CNTRL: variants seen among roughly 807,000 people sequenced by gnomAD.
CNTRL encodes the protein 110 kDa centrosomal protein.
In CNTRL, 233 loss-of-function variants were observed where a neutral mutation model predicts 303.7. The observed-to-expected ratio is 0.77, with a 90% CI of 0.69 to 0.86. CNTRL has a LOEUF of 0.86. Among genes scored for constraint, CNTRL ranks in the 40% least tolerant of loss-of-function variants. The probability of loss-of-function intolerance (pLI) is 0.00; values close to 1 mark genes in which losing one functional copy is unlikely to be tolerated. For missense variants in CNTRL, 2,524 were observed against 2,650.6 expected (o/e 0.95, Z 1.05); for synonymous variants, 900 against 922.2 (o/e 0.98, Z 0.44).
At position 121,159,005 on chromosome 9, in the gene CNTRL, T is replaced by C. The variant is rs528966174; in HGVS notation, c.4915T>C (p.Cys1639Arg). The change falls in exon 31 of 44, where the codon TGC becomes CGC. Residue 1639 changes from cysteine (C) to arginine (R), a missense_variant. Cys to Arg is a radical substitution (Grantham distance 180, BLOSUM62 -3). Coordinates refer to ENST00000373855, the MANE Select transcript of CNTRL (RefSeq NM_007018.6). ...GGGAGAGACTGAAGTAACTGAGAAG[T>C]GCAATCACATTAGGGTGTGTTTTTT... ...RLGETEVTEK[C>R]NHIREVKSLL... 4.3e-6 allele frequency: 7 copies of C among 1,614,080 alleles called. No individual in the cohort carries two copies. The African/African-American group carries it at 5.3e-5, about 12-fold the overall frequency.
chr9:121,104,782 A>G (rs1017226100), intron 7 of CNTRL, among the ~76,000 whole-genome samples: 2 of 146,172 alleles, frequency 1.4e-5, no homozygotes, highest in African/African-American at 5.0e-5. Flanking sequence ...GCTCACTGCA[A>G]TCTCCGCCTC....
chr9:121,118,993 C>A (rs376795680), intron 12 of CNTRL, among the ~76,000 whole-genome samples: 1 of 151,802 alleles, frequency 6.6e-6, no homozygotes, highest in Non-Finnish European at 1.5e-5. Context: ...GGATGAATCC[C>A]CCATGGATAC....
At position 121,152,739 on chromosome 9, in the gene CNTRL, C is replaced by T. The variant is rs776219768; in HGVS notation, c.4172+46C>T. 6 of 1,375,458 alleles carry T rather than the reference C, an allele frequency of 4.4e-6. No individual in the cohort carries two copies. In the Admixed American group the frequency reaches 1.1e-4, roughly 26 times the overall value. 85.2% of individuals were successfully genotyped at this position (1,375,458 alleles called of 1,614,324 possible). A position where few individuals can be genotyped will look rare whatever the true frequency, so the allele number is the denominator to read the frequency against. On this transcript the variant is annotated intron_variant, in intron 26 of 43. Transcript: ENST00000373855. Reference sequence around the variant, plus strand: ...AATTCAGACAAATACGATATTAGTTCATTAATGCTGTCGAACAGAACTTTC... The same window carrying T: ...AATTCAGACAAATACGATATTAGTTTATTAATGCTGTCGAACAGAACTTTC...
rs2048717531 is a variant in CNTRL at position 121,092,811 on chromosome 9, A to AT, written c.349-2076dup. ...ATATGTAATATATATATCTATATATATATATATTTTTTTTTTTTTGGAGTC... is the reference window on the plus strand; with the variant it reads ...ATATGTAATATATATATCTATATATATTATATATTTTTTTTTTTTTGGAGTC... On this transcript the variant is annotated intron_variant, in intron 4 of 43. Coordinates refer to ENST00000373855, the MANE Select transcript of CNTRL (RefSeq NM_007018.6). Among the ~76,000 whole-genome samples the AT allele has an allele frequency of 5.7e-5, 2 of 34,928 alleles. 1 individual carries two copies. Among genetic ancestry groups the AT allele is most frequent in the African/African-American group, 2.5e-4 (2 of 7,854 alleles). 22.9% of individuals were successfully genotyped at this position (34,928 alleles called of 152,430 possible). A position where few individuals can be genotyped will look rare whatever the true frequency, so the allele number is the denominator to read the frequency against.
chr9:121,135,798 C>G lies in CNTRL; in HGVS notation c.2026-8C>G. 6.3e-7 allele frequency: 1 copy of G among 1,599,774 alleles called. No individual in the cohort carries two copies. The highest frequency in any genetic ancestry group is 1.1e-5 in the South Asian group (1 of 89,350). ...GGTTCCATAGTTAAACCCACTGAAT[C>G]TTTCTAGGAGCTTGCAGAGCTAGAA... is the stretch of plus-strand genomic sequence containing the variant. On this transcript the variant is annotated splice_polypyrimidine_tract_variant and splice_region_variant and intron_variant, in intron 14 of 43. Transcript: ENST00000373855.
Position 121,171,462 on chromosome 9 carries a change from G to T in CNTRL, c.6331G>T (p.Val2111Leu). ...IQKEMATIEL[V>L]AQDNHERARR... ...AAAGGAAATGGCAACAATTGAACTGGTAGCCCAGGACAACCATGAGCGGGC... is the reference window on the plus strand; with the variant it reads ...AAAGGAAATGGCAACAATTGAACTGTTAGCCCAGGACAACCATGAGCGGGC... The change falls in exon 40 of 44, where the codon GTA becomes TTA. Residue 2111 changes from valine to leucine, a missense_variant. By Grantham distance (32) the Val-to-Leu change is conservative. Transcript: ENST00000373855. 1.2e-6 allele frequency: 2 copies of T among 1,614,112 alleles called. No individual in the cohort carries two copies. Among genetic ancestry groups the T allele is most frequent in the South Asian group, 1.1e-5 (1 of 91,084 alleles).
chr9:121,151,245 C>A (rs2052225131), intron 25 of CNTRL, among the ~76,000 whole-genome samples: 1 of 151,862 alleles, frequency 6.6e-6, no homozygotes, highest in Non-Finnish European at 1.5e-5. Flanking sequence ...TGTCTTTAAA[C>A]AATATTTTAA....
chr9:121,125,547 C>G (rs2050470414), intron 13 of CNTRL, among the ~76,000 whole-genome samples, 169 bp from the exon 14 acceptor site: 1 of 152,152 alleles, frequency 6.6e-6, no homozygotes, highest in South Asian at 2.1e-4. Context: ...GCTTAATACT[C>G]CTTTGCTATC....
At chr9:121,173,076 G>A (rs528324897) in intron 40 of CNTRL, among the ~76,000 whole-genome samples, 167 bp from the exon 41 acceptor site, 1 of 152,190 alleles carries the variant, frequency 6.6e-6, no homozygotes, top group African/African-American at 2.4e-5. Context: ...AATTTATTCA[G>A]TAGCTTATAG....
intron 7 of CNTRL, among the ~76,000 whole-genome samples, chr9:121,102,959 A>G (rs554678030): frequency 2.6e-5 from 4 of 152,316 alleles, no homozygotes; most frequent in Non-Finnish European, 5.9e-5. Flanking sequence ...ATATCATGAA[A>G]ATGGCCATAC....
chr9:121,171,553 G>T lies in CNTRL; in HGVS notation c.6417+5G>T. The T allele has an allele frequency of 6.2e-7, 1 of 1,612,482 alleles. No homozygotes were observed. Among genetic ancestry groups the T allele is most frequent in the Non-Finnish European group, 8.5e-7 (1 of 1,179,220 alleles). Reference sequence around the variant, plus strand: ...TACACGGAGCTCAAGAAACAGGTGTGTGCCCAGAAAGCCCAGCTGGCCAGC... The same window carrying T: ...TACACGGAGCTCAAGAAACAGGTGTTTGCCCAGAAAGCCCAGCTGGCCAGC... On this transcript the variant is annotated splice_donor_5th_base_variant and intron_variant, in intron 40 of 43. Coordinates refer to ENST00000373855, the MANE Select transcript of CNTRL (RefSeq NM_007018.6).
At chr9:121,152,301 G>C (rs940156782) in intron 25 of CNTRL, 184 bp from the exon 26 acceptor site, 4 of 585,640 alleles carry the variant, frequency 6.8e-6, no homozygotes, top group Middle Eastern at 4.5e-4. Flanking sequence ...AAAAATTAAA[G>C]GTTCTATTTG....
Position 121,096,456 on chromosome 9 carries a change from C to G in CNTRL, c.514C>G (p.Gln172Glu). The change falls in exon 6 of 44, where the codon CAA becomes GAA. Residue 172 changes from glutamine to glutamate, a missense_variant. By Grantham distance (29) the Gln-to-Glu change is conservative. Coordinates refer to ENST00000373855, the MANE Select transcript of CNTRL (RefSeq NM_007018.6). Reference protein sequence around the residue: ...IEGIENMCNLQKLNLAGNEIE... With the variant: ...IEGIENMCNLEKLNLAGNEIE... ...AGGCATAGAAAATATGTGTAATCTG[C>G]AAAAGCTTAACCTTGCAGGAAATGA... 6.4e-7 allele frequency: 1 copy of G among 1,563,614 alleles called. No homozygotes were observed. The highest frequency in any genetic ancestry group is 8.7e-7 in the Non-Finnish European group (1 of 1,152,456).
At chr9:121,135,661 C>T (rs2051147208) in intron 14 of CNTRL, 145 bp from the exon 15 acceptor site, 2 of 617,698 alleles carry the variant, frequency 3.2e-6, no homozygotes, top group Non-Finnish European at 5.3e-6. Flanking sequence ...CCTGAGGCTT[C>T]GTCATATTGC....
At chr9:121,105,763 A>G (rs1183431390) in intron 7 of CNTRL, among the ~76,000 whole-genome samples, 2 of 152,220 alleles carry the variant, frequency 1.3e-5, no homozygotes, top group African/African-American at 2.4e-5. Flanking sequence ...TAGATTGGCA[A>G]CAGGTGATAA....
At chr9:121,104,024 G>T (rs552451958) in intron 7 of CNTRL, among the ~76,000 whole-genome samples, 1 of 152,046 alleles carries the variant, frequency 6.6e-6, no homozygotes, top group South Asian at 2.1e-4. Context: ...CCCATTACTG[G>T]GTATATACCC....
chr9:121,147,832 T>A (rs2051971422), intron 23 of CNTRL, among the ~76,000 whole-genome samples: 1 of 152,208 alleles, frequency 6.6e-6, no homozygotes. Flanking sequence ...GCCAACTCCT[T>A]GGTACAACCA....
chr9:121,098,837 A>AAAAT (rs917114093), intron 7 of CNTRL, among the ~76,000 whole-genome samples: 3 of 150,926 alleles, frequency 2.0e-5, no homozygotes, highest in African/African-American at 4.9e-5. Context: ...GACAAAAAAA[A>AAAAT]AAACAAAAAC....
At position 121,123,993 on chromosome 9, in the gene CNTRL, C is replaced by T. The variant is rs2050374025; in HGVS notation, c.1713C>T (p.Tyr571=). Residue 571 remains tyrosine (Y), a synonymous_variant, in exon 13 of 44, where the codon TAC becomes TAT. Coordinates refer to ENST00000373855, the MANE Select transcript of CNTRL (RefSeq NM_007018.6). ...AGCTTGACATTATGAACAAGCAGTA[C>T]CAACAACTTGAAAGTCGTTTGGATG... The part of the protein sequence containing the change: ...EQQLDIMNKQ[Y]QQLESRLDEI... The T allele has an allele frequency of 1.2e-6, 2 of 1,612,170 alleles. No homozygotes were observed. The highest frequency in any genetic ancestry group is 1.7e-6 in the Non-Finnish European group (2 of 1,179,238).
Sources: allele counts gnomAD v4.1 joint callset (sites outside exome capture counted in the v4.1 genomes callset), GRCh38; gene constraint gnomAD v4.1.1; transcripts MANE v1.5; gene names NCBI Gene and HGNC (gene_info 2026-07-23, HGNC 2026-07-21).